Variants in ITCH observed in about 807,000 individuals in gnomAD.
The protein encoded by ITCH is itchy E3 ubiquitin protein ligase.
ITCH carries 28 observed loss-of-function variants against 126.8 expected under a neutral mutation model. The observed-to-expected ratio is 0.22, with a 90% CI of 0.16 to 0.30. ITCH has a LOEUF of 0.30. ITCH is among the 10% of genes least tolerant of loss of function. The probability of loss-of-function intolerance (pLI) is 1.00; values close to 1 mark genes in which losing one functional copy is unlikely to be tolerated. For missense variants in ITCH, 631 were observed against 1,032.4 expected, an observed-to-expected ratio of 0.61 and a Z score of 5.33; for synonymous variants, 342 against 340.0, an observed-to-expected ratio of 1.01 and a Z score of -0.06.
chr20:34,412,797 A>G (rs994844424), intron 5 of ITCH, among the ~76,000 whole-genome samples, 158 bp downstream of exon 5: 2 of 152,210 alleles, frequency 1.3e-5, no homozygotes, highest in Admixed American at 6.5e-5. Context: ...TATTGAAAGT[A>G]TTCTGAGTAA....
chr20:34,499,045 G>A (rs1481548571), intron 23 of ITCH, among the ~76,000 whole-genome samples: 1 of 150,170 alleles, frequency 6.7e-6, no homozygotes, highest in Non-Finnish European at 1.5e-5. Context: ...CACGATCTCG[G>A]CTCACTGCAA....
chr20:34,475,944 C>G, intron 16 of ITCH: 1 of 1,471,494 alleles, frequency 6.8e-7, no homozygotes, highest in Non-Finnish European at 9.5e-7. Flanking sequence ...TTGCCCACAT[C>G]AATGGATTGT....
At chr20:34,393,951 G>T in intron 3 of ITCH, 70 bp downstream of exon 3, 1 of 1,425,824 alleles carries the variant, frequency 7.0e-7, no homozygotes, top group Non-Finnish European at 9.9e-7. Context: ...TCCTGAGAGG[G>T]CCAGGCATGG....
intron 2 of ITCH, among the ~76,000 whole-genome samples, chr20:34,372,467 G>A (rs1274392326): frequency 1.5e-5 from 2 of 130,830 alleles, no homozygotes; most frequent in African/African-American, 3.0e-5. Context: ...TGCAACCTCC[G>A]CCTCTCGGGT....
intron 11 of ITCH, among the ~76,000 whole-genome samples, chr20:34,446,975 C>CTT: frequency 6.6e-6 from 1 of 152,326 alleles, no homozygotes; most frequent in East Asian, 1.9e-4. Context: ...TTGGCATGTA[C>CTT]TGAATGCTTA....
In ITCH at chr20:34,438,581, C is replaced by A. The variant is rs751119730; in HGVS notation, c.629C>A (p.Ser210Tyr). The A allele has an allele frequency of 1.2e-6, 2 of 1,614,064 alleles. No individual in the cohort carries two copies. Among genetic ancestry groups the A allele is most frequent in the Admixed American group, 3.3e-5 (2 of 59,992 alleles). The change falls in exon 8 of 25, where the codon TCT (serine) becomes TAT (tyrosine). Residue 210 changes from serine to tyrosine, a missense_variant. By Grantham distance (144) the Ser-to-Tyr change is moderately radical (BLOSUM62 -2). This residue lies in a region of ITCH where 220 missense variants were observed against 265.7 expected (regional missense o/e 0.83). Coordinates refer to ENST00000374864, the MANE Select transcript of ITCH (RefSeq NM_031483.7). ...CTCTCAAATGGTGGTTTTAAACCTTCTAGACCTCCAAGACCTTCACGACCA... is the reference window on the plus strand; with the variant it reads ...CTCTCAAATGGTGGTTTTAAACCTTATAGACCTCCAAGACCTTCACGACCA... ...PSLSNGGFKP[S>Y]RPPRPSRPPP...
At chr20:34,423,279 G>A (rs1981041055) in intron 6 of ITCH, among the ~76,000 whole-genome samples, 1 of 151,940 alleles carries the variant, frequency 6.6e-6, no homozygotes, top group Admixed American at 6.6e-5. Flanking sequence ...CCATTGTATA[G>A]ACAACATTTT....
chr20:34,473,947 G>A (rs1987881903), intron 16 of ITCH, among the ~76,000 whole-genome samples: 1 of 152,156 alleles, frequency 6.6e-6, no homozygotes, highest in African/African-American at 2.4e-5. Context: ...CCCTAAACAA[G>A]CCAGGTTAGA....
intron 3 of ITCH, among the ~76,000 whole-genome samples, chr20:34,395,797 A>G (rs2038653985): frequency 6.6e-6 from 1 of 152,150 alleles, no homozygotes; most frequent in South Asian, 2.1e-4. Context: ...TTTTTGCTAA[A>G]TAATATTTTA....
chr20:34,447,898 G>T (rs1984663257), intron 11 of ITCH, among the ~76,000 whole-genome samples: 3 of 152,052 alleles, frequency 2.0e-5, no homozygotes. Flanking sequence ...TGTAGGGGTG[G>T]GTAAAGAAAC....
chr20:34,450,872 C>A (rs980433263), intron 12 of ITCH: 17 of 152,240 alleles, frequency 1.1e-4, no homozygotes, highest in Non-Finnish European at 2.1e-4. Context: ...TTTGAGAAAT[C>A]TCATTGCTCT....
chr20:34,507,655 GC>G (rs775686210), intron 24 of ITCH, 39 bp from the exon 25 acceptor site: 1 of 1,472,894 alleles, frequency 6.8e-7, no homozygotes, highest in Admixed American at 1.7e-5. Context: ...TTGATTCTTT[GC>G]ATATTTCCTT....
At chr20:34,368,668 C>G (rs1020655441) in intron 1 of ITCH, among the ~76,000 whole-genome samples, 2 of 152,166 alleles carry the variant, frequency 1.3e-5, no homozygotes, top group Admixed American at 6.6e-5. Flanking sequence ...TGCCTCTATC[C>G]TCCTCCAGTC....
intron 2 of ITCH, among the ~76,000 whole-genome samples, chr20:34,378,185 T>A (rs2037917217): frequency 6.6e-6 from 1 of 151,950 alleles, no homozygotes; most frequent in Non-Finnish European, 1.5e-5. Context: ...TAAAAACAGA[T>A]GTAGGCCGGG....
chr20:34,440,297 A>G lies in ITCH; in HGVS notation c.822A>G (p.Ser274=). 1 of 1,614,106 alleles carries G rather than the reference A, an allele frequency of 6.2e-7. No homozygotes were observed. Among genetic ancestry groups the G allele is most frequent in the South Asian group, 1.1e-5 (1 of 91,088 alleles). ...TTCCTCTTACTATATCTGGAGGCTCAGGCCCTAGGCCATTAAATCCTGTAA... is the reference window on the plus strand; with the variant it reads ...TTCCTCTTACTATATCTGGAGGCTCGGGCCCTAGGCCATTAAATCCTGTAA... ...LIIPLTISGG[S]GPRPLNPVTQ... Residue 274 remains serine (S), a synonymous_variant, in exon 9 of 25, where the codon TCA becomes TCG. Coordinates refer to ENST00000374864, the MANE Select transcript of ITCH (RefSeq NM_031483.7).
chr20:34,445,298 G>T lies in ITCH; in HGVS notation c.977G>T (p.Arg326Leu). The T allele has an allele frequency of 6.2e-7, 1 of 1,607,830 alleles. No homozygotes were observed. Among genetic ancestry groups the T allele is most frequent in the Non-Finnish European group, 8.5e-7 (1 of 1,177,884 alleles). ...PEPLPPGWER[R>L]VDNMGRIYYV... Reference sequence around the variant, plus strand: ...TTTTTCTGATTTAGCTGGGAACGGCGGGTTGACAACATGGGACGTATTTAT... The same window carrying T: ...TTTTTCTGATTTAGCTGGGAACGGCTGGTTGACAACATGGGACGTATTTAT... The change falls in exon 11 of 25, where the codon CGG becomes CTG. Residue 326 changes from arginine to leucine, a missense_variant. This residue lies in a region of ITCH where 390 missense variants were observed against 731.6 expected (regional missense o/e 0.53). Transcript: ENST00000374864.
chr20:34,456,158 TTGTGTG>T (rs1161624865), intron 12 of ITCH, among the ~76,000 whole-genome samples: 88 of 47,576 alleles, frequency 1.8e-3, no homozygotes, highest in South Asian at 2.8e-3. Context: ...TTTTTATATA[TTGTGTG>T]TGTGTGTGTG....
chr20:34,399,901 G>A (rs899899421), intron 3 of ITCH, among the ~76,000 whole-genome samples: 1 of 151,794 alleles, frequency 6.6e-6, no homozygotes, highest in East Asian at 1.9e-4. Context: ...GACTACAGGC[G>A]TGTACCACCC....
chr20:34,392,128 G>A (rs1264259581), intron 2 of ITCH, among the ~76,000 whole-genome samples: 1 of 152,112 alleles, frequency 6.6e-6, no homozygotes, highest in African/African-American at 2.4e-5. Flanking sequence ...ACTACATAAT[G>A]TGATAATGAT....
Sources: allele counts gnomAD v4.1 joint callset (sites outside exome capture counted in the v4.1 genomes callset), GRCh38; gene constraint gnomAD v4.1.1; regional missense constraint gnomAD v4.1.1; transcripts MANE v1.5; gene names NCBI Gene and HGNC (gene_info 2026-07-23, HGNC 2026-07-21).